The following PTPRJ variants were observed in gnomAD, a reference collection of about 807,000 sequenced individuals.
The protein encoded by PTPRJ is receptor-type tyrosine-protein phosphatase eta.
Under a neutral mutation model 141.3 loss-of-function variants are expected in PTPRJ, and 129 were observed. The ratio of observed to expected loss-of-function variants is 0.91; its 90% CI spans 0.79 to 1.06. The LOEUF (loss-of-function observed/expected upper bound fraction) is 1.06. PTPRJ is among the 50% of genes least tolerant of loss of function. PTPRJ has a pLI of 0.00. For synonymous variants in PTPRJ, 610 were observed against 640.5 expected (o/e 0.95, Z 0.72); for missense variants, 1,601 against 1,679.7 (o/e 0.95, Z 0.82).
chr11:48,127,709 G>A, intron 6 of PTPRJ, 71 bp from the exon 7 acceptor site: 1 of 1,505,812 alleles, frequency 6.6e-7, no homozygotes, highest in South Asian at 1.2e-5. Context: ...TTGACAGCAT[G>A]CCCTGATGAC....
chr11:48,163,998 A>G (rs536671595), intron 23 of PTPRJ, among the ~76,000 whole-genome samples: 1 of 152,370 alleles, frequency 6.6e-6, no homozygotes, highest in Admixed American at 6.5e-5. Context: ...CCTAACAATA[A>G]GAAGTTAGCT....
At chr11:48,133,913 C>T (rs1857031745) in intron 8 of PTPRJ, among the ~76,000 whole-genome samples, 1 of 152,138 alleles carries the variant, frequency 6.6e-6, no homozygotes, top group Admixed American at 6.5e-5. Context: ...ACTTAATATT[C>T]TACAGAAATT....
intron 1 of PTPRJ, among the ~76,000 whole-genome samples, chr11:48,055,575 T>G (rs1458220132): frequency 1.3e-5 from 2 of 152,192 alleles, no homozygotes; most frequent in African/African-American, 4.8e-5. Context: ...CACCCTCTAC[T>G]CCACATTCTC....
At chr11:48,029,009 A>T (rs12278255) in intron 1 of PTPRJ, among the ~76,000 whole-genome samples, 2,287 of 152,308 alleles carry the variant, frequency 0.015, 60 homozygotes, top group African/African-American at 0.052. Context: ...TTCTGGTAGT[A>T]TGTGCTGTGT....
At chr11:48,082,357 C>T (rs1465926044) in intron 1 of PTPRJ, among the ~76,000 whole-genome samples, 1 of 151,280 alleles carries the variant, frequency 6.6e-6, no homozygotes, top group East Asian at 1.9e-4. Flanking sequence ...GATCCTCCTG[C>T]TTTAGCCTCC....
At chr11:48,110,228 T>A in intron 2 of PTPRJ, 152 bp downstream of exon 2, 1 of 929,716 alleles carries the variant, frequency 1.1e-6, no homozygotes, top group South Asian at 1.8e-5. Context: ...TTTTTTTGAG[T>A]TGGAGCCTCG....
chr11:48,133,649 T>C (rs76206592), intron 8 of PTPRJ, among the ~76,000 whole-genome samples: 3,154 of 152,328 alleles, frequency 0.021, 110 homozygotes, highest in African/African-American at 0.072. Flanking sequence ...TGGACAGTTA[T>C]TTGTACATCA....
rs1857991921 is a variant in PTPRJ, at chr11:48,168,982, C to T, written c.*1620C>T. ...GCTGTTGCCACAGTAATGTGTCCTGCTGTAAACAGGACAGGTGTGTCCTGT... is the reference window on the plus strand; with the variant it reads ...GCTGTTGCCACAGTAATGTGTCCTGTTGTAAACAGGACAGGTGTGTCCTGT... On this transcript the variant is annotated 3_prime_UTR_variant, in exon 25 of 25. Transcript: ENST00000418331. The T allele has an allele frequency of 6.6e-6, 1 of 152,060 alleles. No homozygotes were observed. Among genetic ancestry groups the T allele is most frequent in the African/African-American group, 2.4e-5 (1 of 41,406 alleles). The allele number at this position is 152,060 out of a possible 1,614,324, so 9.4% of individuals were successfully genotyped here.
chr11:48,112,746 G>A lies in PTPRJ; in HGVS notation c.116-1G>A. On this transcript the variant is annotated splice_acceptor_variant, in intron 2 of 24. Coordinates refer to ENST00000418331, the MANE Select transcript of PTPRJ (RefSeq NM_002843.4). LOFTEE classifies it high-confidence loss of function. ...TCTAATTGTTTACTTTCTTTGCATA[G>A]CCCCTAGTCCAATTCCTGACCCTTC... is the stretch of plus-strand genomic sequence containing the variant. The A allele has an allele frequency of 6.2e-7, 1 of 1,603,760 alleles. No homozygotes were observed. The highest frequency in any genetic ancestry group is 8.5e-7 in the Non-Finnish European group (1 of 1,170,614).
intron 11 of PTPRJ, among the ~76,000 whole-genome samples, chr11:48,140,108 C>T (rs1382492615): frequency 1.3e-5 from 2 of 152,176 alleles, no homozygotes; most frequent in East Asian, 1.9e-4. Context: ...AATCTCAGCT[C>T]ACTGCAACCT....
In PTPRJ at chr11:48,063,835, C is replaced by T. The variant is rs116022563; in HGVS notation, c.97-46223C>T. Among the ~76,000 whole-genome samples the T allele has an allele frequency of 3.5e-3, 533 of 152,168 alleles. 5 individuals carry two copies. Among genetic ancestry groups the T allele is most frequent in the African/African-American group, 0.012 (504 of 41,514 alleles). ...TTGGTTTATGTGAGGGGAACTTTTT[C>T]GCCCTTCTGTTTATTTTATCCAAAG... On this transcript the variant is annotated intron_variant, in intron 1 of 24. Transcript: ENST00000418331.
At position 48,164,440 on chromosome 11, in the gene PTPRJ, G is replaced by T; in HGVS notation, c.3780G>T (p.Glu1260Asp). 4 of 1,613,280 alleles carry T rather than the reference G, an allele frequency of 2.5e-6. No individual in the cohort carries two copies. Among genetic ancestry groups the T allele is most frequent in the Non-Finnish European group, 3.4e-6 (4 of 1,179,492 alleles). The change falls in exon 24 of 25, where the codon GAG becomes GAT. Residue 1260 changes from glutamate (E) to aspartate (D), a missense_variant. Glu to Asp is a conservative substitution (Grantham distance 45). Transcript: ENST00000418331. ...IAIDRLIYQI[E>D]NENTVDVYGI... ...TTGATCGTCTCATCTACCAGATAGA[G>T]AATGAGAACACCGTGGATGTGTATG...
intron 14 of PTPRJ, 132 bp downstream of exon 14, chr11:48,145,256 G>C (rs1424072447): frequency 1.6e-6 from 2 of 1,288,482 alleles, no homozygotes; most frequent in African/African-American, 3.0e-5. Context: ...CCCTCCCAGA[G>C]GTTGAGATGT....
At chr11:48,021,769 G>GGTTTT (rs542417904) in intron 1 of PTPRJ, among the ~76,000 whole-genome samples, 11 of 152,174 alleles carry the variant, frequency 7.2e-5, no homozygotes, top group African/African-American at 2.2e-4. Flanking sequence ...ATTGTCTGTG[G>GGTTTT]GTTTTGTTTT....
At chr11:48,144,538 C>T in intron 12 of PTPRJ, 137 bp from the exon 13 acceptor site, 1 of 697,396 alleles carries the variant, frequency 1.4e-6, no homozygotes, top group East Asian at 2.7e-5. Context: ...CAATGTAAGT[C>T]AAACCTGGCA....
intron 1 of PTPRJ, among the ~76,000 whole-genome samples, chr11:47,983,675 A>T: frequency 6.6e-6 from 1 of 152,272 alleles, no homozygotes; most frequent in African/African-American, 2.4e-5. Context: ...AGTTTTGCAC[A>T]GTAGTTTTGG....
At chr11:48,051,007 G>T (rs1309491947) in intron 1 of PTPRJ, among the ~76,000 whole-genome samples, 1 of 151,430 alleles carries the variant, frequency 6.6e-6, no homozygotes, top group Admixed American at 6.6e-5. Flanking sequence ...TTTTGCCAAG[G>T]CGTCTGGTGA....
At chr11:48,147,989 G>T (rs1031867435) in intron 15 of PTPRJ, among the ~76,000 whole-genome samples, 1 of 152,082 alleles carries the variant, frequency 6.6e-6, no homozygotes, top group Non-Finnish European at 1.5e-5. Flanking sequence ...GGGATTACAG[G>T]CACCGCCACC....
At chr11:48,166,851 C>A (rs550804980) in intron 24 of PTPRJ, among the ~76,000 whole-genome samples, 1 of 152,280 alleles carries the variant, frequency 6.6e-6, no homozygotes, top group East Asian at 1.9e-4. Context: ...GTCTCACTAG[C>A]CAAGGCAATC....
Sources: gnomAD v4.1 joint callset for allele counts (sites outside exome capture counted in the v4.1 genomes callset) on GRCh38, gnomAD v4.1.1 for gene constraint, MANE v1.5 for transcripts, NCBI Gene and HGNC (gene_info 2026-07-23, HGNC 2026-07-21) for gene names.